SORCS3: variants seen among roughly 807,000 people sequenced by gnomAD.
SORCS3 encodes the protein sortilin related VPS10 domain containing receptor 3.
Under a neutral mutation model 146.3 loss-of-function variants are expected in SORCS3, and 57 were observed. The ratio of observed to expected loss-of-function variants is 0.39; its 90% CI spans 0.31 to 0.49. The LOEUF (loss-of-function observed/expected upper bound fraction) is 0.49. Among genes scored for constraint, SORCS3 ranks in the 20% least tolerant of loss-of-function variants. The pLI is 0.92. For missense variants in SORCS3, 1,341 were observed against 1,575.5 expected, an observed-to-expected ratio of 0.85 and a Z score of 2.52; for synonymous variants, 653 against 618.5, an observed-to-expected ratio of 1.06 and a Z score of -0.83.
At chr10:104,758,479 A>G (rs142848037) in intron 1 of SORCS3, among the ~76,000 whole-genome samples, 8 of 152,278 alleles carry the variant, frequency 5.3e-5, no homozygotes, top group African/African-American at 1.9e-4. Context: ...ACCATAGATT[A>G]AGGTGGTAGG....
intron 2 of SORCS3, among the ~76,000 whole-genome samples, chr10:104,896,556 T>A (rs1353663637): frequency 6.6e-6 from 1 of 152,206 alleles, no homozygotes; most frequent in Non-Finnish European, 1.5e-5. Context: ...AGTTGTGTGA[T>A]TCAAGAAGTA....
intron 20 of SORCS3, among the ~76,000 whole-genome samples, chr10:105,234,137 T>C (rs2119697440): frequency 6.6e-6 from 1 of 152,318 alleles, no homozygotes; most frequent in African/African-American, 2.4e-5. Flanking sequence ...TGGATAATTT[T>C]GCAGGGTACG....
intron 3 of SORCS3, among the ~76,000 whole-genome samples, chr10:104,962,175 T>G (rs1047523070): frequency 2.6e-5 from 4 of 152,042 alleles, no homozygotes; most frequent in Admixed American, 2.6e-4. Flanking sequence ...AAAATGGGAC[T>G]TGAAGGAAGG....
Position 105,225,753 on chromosome 10 carries a change from C to T in SORCS3, c.2868+2504C>T, listed in dbSNP as rs952344804. Among the ~76,000 whole-genome samples the T allele has an allele frequency of 2.6e-5, 4 of 151,952 alleles. 1 individual carries two copies. The South Asian group carries it at 8.3e-4, about 31-fold the overall frequency. On this transcript the variant is annotated intron_variant, in intron 20 of 26. Transcript: ENST00000369701. ...TATTTAGTTGTTATTTGATGTCTTTCAACAGAGTTTTGTAGTTTTTCCTAC... is the reference window on the plus strand; with the variant it reads ...TATTTAGTTGTTATTTGATGTCTTTTAACAGAGTTTTGTAGTTTTTCCTAC...
chr10:105,188,661 G>C (rs989924123), intron 14 of SORCS3, among the ~76,000 whole-genome samples: 3 of 152,158 alleles, frequency 2.0e-5, no homozygotes, highest in African/African-American at 7.2e-5. Context: ...AGGTCATCTG[G>C]TTAATTTATG....
chr10:104,781,324 C>A (rs2017371784), intron 1 of SORCS3, among the ~76,000 whole-genome samples: 1 of 152,202 alleles, frequency 6.6e-6, no homozygotes, highest in East Asian at 1.9e-4. Context: ...ACTTGTCCCA[C>A]CCCACCACAG....
rs145188165 is a variant in SORCS3, at chr10:104,702,734, C to T, written c.627+60780C>T. Among the ~76,000 whole-genome samples the T allele has an allele frequency of 2.1e-3, 316 of 152,240 alleles. 1 individual carries two copies. Among genetic ancestry groups the T allele is most frequent in the African/African-American group, 6.7e-3 (278 of 41,530 alleles). ...CTGTAAAAATCTTCCTGTTCTGGTG[C>T]TGGGGTTCAGGTACATGGTCTAGTG... On this transcript the variant is annotated intron_variant, in intron 1 of 26. Transcript: ENST00000369701.
chr10:104,859,251 A>C (rs894738633), intron 2 of SORCS3, among the ~76,000 whole-genome samples: 45 of 152,176 alleles, frequency 3.0e-4, no homozygotes, highest in African/African-American at 1.0e-3. Context: ...TAGAGCCTTC[A>C]GAAATAATGC....
chr10:104,641,388 G>T lies in SORCS3; in HGVS notation c.61G>T (p.Gly21Trp). Reference protein sequence around the residue: ...GRPGAPLVRTGLLLLSTWVLA... With the variant: ...GRPGAPLVRTWLLLLSTWVLA... ...GCCGGGGGCGCCGCTTGTCCGGACG[G>T]GGCTCCTACTCTTGTCGACGTGGGT... The change falls in exon 1 of 27, where the codon GGG becomes TGG. Residue 21 changes from glycine (G) to tryptophan (W), a missense_variant. Transcript: ENST00000369701. This position sits in a 1 kb window ranked among gnomAD's most constrained non-coding sequence, Gnocchi z 6.4. 6.9e-7 allele frequency: 1 copy of T among 1,448,940 alleles called. No individual in the cohort carries two copies. The highest frequency in any genetic ancestry group is 1.3e-5 in the South Asian group (1 of 74,476). The allele number at this position is 1,448,940 out of a possible 1,614,324, so 89.8% of individuals were successfully genotyped here. A position where few individuals can be genotyped will look rare whatever the true frequency, so the allele number is the denominator to read the frequency against.
chr10:104,922,963 C>T (rs1390382707), intron 3 of SORCS3, among the ~76,000 whole-genome samples: 1 of 152,166 alleles, frequency 6.6e-6, no homozygotes, highest in African/African-American at 2.4e-5. Flanking sequence ...CATGGTTGAT[C>T]CTTCAGTGCA....
intron 1 of SORCS3, among the ~76,000 whole-genome samples, chr10:104,756,461 G>A (rs748042537): frequency 1.3e-5 from 2 of 152,202 alleles, no homozygotes; most frequent in Non-Finnish European, 2.9e-5. Context: ...GTTTGAAGCT[G>A]ATGGAGAGCT....
At chr10:105,224,642 G>T (rs1423206013) in intron 20 of SORCS3, among the ~76,000 whole-genome samples, 1 of 152,090 alleles carries the variant, frequency 6.6e-6, no homozygotes, top group African/African-American at 2.4e-5. Flanking sequence ...CAATATGTTT[G>T]GTTTTGAAAT....
intron 2 of SORCS3, among the ~76,000 whole-genome samples, chr10:104,871,667 T>A (rs184544033): frequency 2.2e-3 from 337 of 152,306 alleles, no homozygotes; most frequent in Non-Finnish European, 3.7e-3. Flanking sequence ...TGGTTTTGAA[T>A]CCTTGATCCA....
intron 6 of SORCS3, among the ~76,000 whole-genome samples, chr10:105,090,074 T>G (rs950238726): frequency 2.0e-5 from 3 of 152,208 alleles, no homozygotes; most frequent in Non-Finnish European, 4.4e-5. Context: ...CAATGAATTT[T>G]GAGGCTCCTG....
chr10:105,054,792 G>A (rs929859335), intron 5 of SORCS3, among the ~76,000 whole-genome samples: 14 of 151,998 alleles, frequency 9.2e-5, no homozygotes, highest in Admixed American at 6.6e-4. Flanking sequence ...GTGTTTAATC[G>A]TGGTTTATAA....
chr10:104,742,176 C>T (rs1319759252), intron 1 of SORCS3, among the ~76,000 whole-genome samples: 2 of 152,100 alleles, frequency 1.3e-5, no homozygotes, highest in Non-Finnish European at 2.9e-5. Flanking sequence ...GATTGACACC[C>T]TAAGAGGTTC....
At chr10:104,848,699 G>A (rs1043846999) in intron 2 of SORCS3, among the ~76,000 whole-genome samples, 1 of 152,146 alleles carries the variant, frequency 6.6e-6, no homozygotes, top group African/African-American at 2.4e-5. Context: ...GTTTGCTGTG[G>A]TAATCAATCT....
chr10:105,128,560 GC>G (rs2055992740), intron 7 of SORCS3, among the ~76,000 whole-genome samples: 1 of 152,090 alleles, frequency 6.6e-6, no homozygotes, highest in South Asian at 2.1e-4. Flanking sequence ...TCTCTAAGCA[GC>G]TATATTCACC....
intron 5 of SORCS3, among the ~76,000 whole-genome samples, chr10:105,080,842 T>C (rs1475275786): frequency 3.9e-5 from 6 of 152,084 alleles, no homozygotes; most frequent in Non-Finnish European, 7.4e-5. Flanking sequence ...ATAGAGAGCA[T>C]GGAAATGAGG....
Sources: gnomAD v4.1 joint callset for allele counts (sites outside exome capture counted in the v4.1 genomes callset) on GRCh38, gnomAD v4.1.1 for gene constraint, Gnocchi (gnomAD v3.1) non-coding constraint, MANE v1.5 for transcripts, NCBI Gene and HGNC (gene_info 2026-07-23, HGNC 2026-07-21) for gene names.